Variants in KALRN observed in about 807,000 individuals in gnomAD.
KALRN encodes kalirin.
Under a neutral mutation model 353.7 loss-of-function variants are expected in KALRN, and 70 were observed. The observed-to-expected ratio is 0.20, with a 90% CI of 0.16 to 0.24. The LOEUF is 0.24. Ranked by LOEUF, KALRN falls within the 10% of genes least tolerant of loss-of-function variation. KALRN has a pLI of 1.00. For synonymous variants in KALRN, 1,391 were observed against 1,434.8 expected, an observed-to-expected ratio of 0.97 and a Z score of 0.69; for missense variants, 2,791 against 3,756.7, an observed-to-expected ratio of 0.74 and a Z score of 6.72.
At chr3:124,555,245 T>C (rs1375997266) in intron 33 of KALRN, among the ~76,000 whole-genome samples, 1 of 151,076 alleles carries the variant, frequency 6.6e-6, no homozygotes, top group Non-Finnish European at 1.5e-5. Context: ...AAAAAAAAAG[T>C]TCTCAGCCCG....
At chr3:124,584,712 G>C (rs1318535040) in intron 34 of KALRN, 1 of 1,481,038 alleles carries the variant, frequency 6.8e-7, no homozygotes, top group African/African-American at 1.4e-5. Flanking sequence ...GCACAGCGGG[G>C]AGGGCGGGAG....
chr3:124,243,847 G>C (rs932692234), intron 3 of KALRN, among the ~76,000 whole-genome samples: 1 of 152,212 alleles, frequency 6.6e-6, no homozygotes, highest in Non-Finnish European at 1.5e-5. Context: ...CCATTATTTA[G>C]CTCACAGAAG....
chr3:124,700,353 A>G (rs1579018963), intron 56 of KALRN, among the ~76,000 whole-genome samples: 1 of 151,012 alleles, frequency 6.6e-6, no homozygotes, highest in South Asian at 2.1e-4. Flanking sequence ...GCCTCCTCCC[A>G]CCCGGGCACC....
chr3:124,038,208 A>G (rs1466275194), intron 1 of KALRN, among the ~76,000 whole-genome samples: 1 of 152,168 alleles, frequency 6.6e-6, no homozygotes, highest in Non-Finnish European at 1.5e-5. Flanking sequence ...TGATGTGATG[A>G]CAGGCTGCAG....
chr3:124,268,582 G>A, intron 4 of KALRN, 161 bp from the exon 5 acceptor site: 1 of 684,900 alleles, frequency 1.5e-6, no homozygotes, highest in Non-Finnish European at 2.5e-6. Flanking sequence ...TGACTGATCT[G>A]TGACTCCTGA....
chr3:124,252,196 G>A (rs1342878032), intron 3 of KALRN, among the ~76,000 whole-genome samples: 3 of 152,096 alleles, frequency 2.0e-5, no homozygotes, highest in East Asian at 1.9e-4. Context: ...ATCACCAGGG[G>A]GAACTTTTAA....
At chr3:124,447,935 AAAG>A (rs1342557388) in intron 21 of KALRN, among the ~76,000 whole-genome samples, 7 of 152,366 alleles carry the variant, frequency 4.6e-5, no homozygotes, top group African/African-American at 1.7e-4. Context: ...CAAACAGCAC[AAAG>A]AAGGTGGCAG....
At chr3:124,317,667 C>T (rs1283555815) in intron 6 of KALRN, among the ~76,000 whole-genome samples, 1 of 127,140 alleles carries the variant, frequency 7.9e-6, no homozygotes. Context: ...TAACAAGCTG[C>T]TAGGTGAAGC....
intron 1 of KALRN, among the ~76,000 whole-genome samples, chr3:124,216,211 A>T (rs1199802827): frequency 6.6e-6 from 1 of 152,184 alleles, no homozygotes; most frequent in African/African-American, 2.4e-5. Context: ...TCAGCTAAGG[A>T]ATCAAATCAT....
intron 1 of KALRN, among the ~76,000 whole-genome samples, chr3:124,045,832 T>C (rs1163155096): frequency 1.3e-5 from 2 of 151,648 alleles, no homozygotes; most frequent in African/African-American, 4.9e-5. Context: ...CACTAATGTA[T>C]AGAGGAAGGA....
chr3:124,037,189 G>A (rs990734302), intron 1 of KALRN, among the ~76,000 whole-genome samples: 1 of 152,228 alleles, frequency 6.6e-6, no homozygotes, highest in Non-Finnish European at 1.5e-5. Flanking sequence ...AGAAATATTC[G>A]AAGTGGTCTC....
chr3:124,381,738 A>G (rs1010559319), intron 10 of KALRN, among the ~76,000 whole-genome samples: 4 of 152,200 alleles, frequency 2.6e-5, no homozygotes, highest in African/African-American at 9.7e-5. Flanking sequence ...ACAAACATTT[A>G]GTAAATGCCT....
chr3:124,080,948 G>T (rs1335900451), intron 1 of KALRN, among the ~76,000 whole-genome samples: 2 of 152,154 alleles, frequency 1.3e-5, no homozygotes, highest in African/African-American at 4.8e-5. Context: ...GAGCTCTGTG[G>T]CCATTACCAG....
intron 5 of KALRN, among the ~76,000 whole-genome samples, chr3:124,286,082 CCTTTCTTTCTTT>C (rs55864207): frequency 1.5e-3 from 149 of 102,252 alleles, no homozygotes; most frequent in East Asian, 3.7e-3. Flanking sequence ...TTCTTTCCTT[CCTTTCTTTCTTT>C]CTTTCTTTCT....
At chr3:124,174,307 G>T (rs2072339940) in intron 1 of KALRN, among the ~76,000 whole-genome samples, 1 of 152,084 alleles carries the variant, frequency 6.6e-6, no homozygotes, top group Non-Finnish European at 1.5e-5. Context: ...GGTGGTGTGT[G>T]CCTGTAGTCC....
chr3:124,360,128 GTT>G (rs1462492622), intron 10 of KALRN, among the ~76,000 whole-genome samples: 3 of 152,264 alleles, frequency 2.0e-5, no homozygotes, highest in Non-Finnish European at 2.9e-5. Flanking sequence ...AGGCTGGACA[GTT>G]TGCACCTGGG....
chr3:124,638,087 T>C (rs1273411032), intron 37 of KALRN, among the ~76,000 whole-genome samples: 1 of 152,208 alleles, frequency 6.6e-6, no homozygotes, highest in Non-Finnish European at 1.5e-5. Context: ...CTCATCCATA[T>C]CACCCATTTA....
chr3:124,456,272 G>T (rs1308794260), intron 22 of KALRN, among the ~76,000 whole-genome samples: 4 of 152,120 alleles, frequency 2.6e-5, no homozygotes, highest in Non-Finnish European at 4.4e-5. Context: ...AAATGGTTAA[G>T]AATCAGTCTT....
intron 51 of KALRN, among the ~76,000 whole-genome samples, chr3:124,686,121 T>C (rs1365390288): frequency 6.6e-6 from 1 of 152,236 alleles, no homozygotes; most frequent in East Asian, 1.9e-4. Flanking sequence ...TAAATGCCCA[T>C]GTTACACAGC....
Sources: allele counts gnomAD v4.1 joint callset (sites outside exome capture counted in the v4.1 genomes callset), GRCh38; gene constraint gnomAD v4.1.1; transcripts MANE v1.5; gene names NCBI Gene and HGNC (gene_info 2026-07-23, HGNC 2026-07-21).